PDK1: variants seen among roughly 807,000 people sequenced by gnomAD.
The protein encoded by PDK1 is [Pyruvate dehydrogenase (acetyl-transferring)] kinase isozyme 1, mitochondrial.
Under a neutral mutation model 54.2 loss-of-function variants are expected in PDK1, and 39 were observed. The observed-to-expected ratio is 0.72, with a 90% CI of 0.56 to 0.94. The LOEUF (loss-of-function observed/expected upper bound fraction) is 0.94, where lower values mean the gene tolerates loss of function less well. PDK1 is among the 40% of genes least tolerant of loss of function. PDK1 has a pLI of 0.00. For missense variants in PDK1, 552 were observed against 566.0 expected (o/e 0.98, Z 0.25); for synonymous variants, 221 against 207.1 (o/e 1.07, Z -0.58).
the PDK1 span, among the ~76,000 whole-genome samples, chr2:172,714,490 T>C: frequency 3.3e-5 from 5 of 152,218 alleles, no homozygotes; most frequent in East Asian, 9.6e-4. Context: ...AAAATATGCC[T>C]ATGTTGAAAT....
chr2:172,672,534 T>G, the PDK1 span, among the ~76,000 whole-genome samples: 1 of 152,188 alleles, frequency 6.6e-6, no homozygotes, highest in African/African-American at 2.4e-5. Flanking sequence ...TTTGCTTTAT[T>G]ACCCTTCACA....
the PDK1 span, among the ~76,000 whole-genome samples, chr2:172,666,328 T>C: frequency 6.6e-6 from 1 of 152,250 alleles, no homozygotes; most frequent in African/African-American, 2.4e-5. Flanking sequence ...CAGTAGTCTA[T>C]ACAGATGTTG....
At chr2:172,700,011 C>T in the PDK1 span, among the ~76,000 whole-genome samples, 1 of 152,136 alleles carries the variant, frequency 6.6e-6, no homozygotes, top group African/African-American at 2.4e-5. Context: ...CATCTTGCAC[C>T]GCCCTTAATC....
At chr2:172,561,642 T>TA (rs1553477476) in intron 2 of PDK1, among the ~76,000 whole-genome samples, 1 of 152,272 alleles carries the variant, frequency 6.6e-6, no homozygotes, top group African/African-American at 2.4e-5. Context: ...GATGCTTTGA[T>TA]ACTTCGAATT....
At chr2:172,665,372 C>T in the PDK1 span, among the ~76,000 whole-genome samples, 1 of 152,126 alleles carries the variant, frequency 6.6e-6, no homozygotes. Flanking sequence ...TCTAGGTTTG[C>T]TTTTGTTTGC....
At chr2:172,713,549 G>A in the PDK1 span, among the ~76,000 whole-genome samples, 5 of 152,370 alleles carry the variant, frequency 3.3e-5, no homozygotes, top group East Asian at 5.8e-4. Flanking sequence ...GGGGGCTGGC[G>A]TGTCAGCACT....
chr2:172,557,146 A>G (rs1360665784), intron 1 of PDK1, among the ~76,000 whole-genome samples: 2 of 152,058 alleles, frequency 1.3e-5, no homozygotes, highest in Non-Finnish European at 2.9e-5. Flanking sequence ...ACTTTGTCTT[A>G]AAACTGTGGT....
chr2:172,701,953 G>A, the PDK1 span, among the ~76,000 whole-genome samples: 4 of 152,110 alleles, frequency 2.6e-5, no homozygotes, highest in African/African-American at 9.6e-5. Context: ...TCTTAGTGTT[G>A]ATTTGTTGAC....
intron 5 of PDK1, 124 bp from the exon 6 acceptor site, chr2:172,566,732 T>A: frequency 2.1e-5 from 8 of 387,160 alleles, no homozygotes; most frequent in Non-Finnish European, 3.7e-5. Context: ...CACCAAACTA[T>A]CAAAGTATAT....
the PDK1 span, among the ~76,000 whole-genome samples, chr2:172,653,050 A>C: frequency 1.3e-5 from 2 of 152,226 alleles, no homozygotes; most frequent in Non-Finnish European, 2.9e-5. Flanking sequence ...TGGAGGCATC[A>C]CGCTACCTGA....
chr2:172,637,884 G>C, the PDK1 span, among the ~76,000 whole-genome samples: 1 of 152,062 alleles, frequency 6.6e-6, no homozygotes, highest in Non-Finnish European at 1.5e-5. Context: ...TTTTAGTAGA[G>C]ATGGCGTTTC....
At chr2:172,722,996 C>T in the PDK1 span, among the ~76,000 whole-genome samples, 1 of 151,938 alleles carries the variant, frequency 6.6e-6, no homozygotes, top group East Asian at 1.9e-4. Flanking sequence ...CATACTGCTT[C>T]CATCTGAGCA....
At chr2:172,671,844 A>G in the PDK1 span, among the ~76,000 whole-genome samples, 1 of 152,198 alleles carries the variant, frequency 6.6e-6, no homozygotes, top group African/African-American at 2.4e-5. Flanking sequence ...AATGAAAGTG[A>G]AGACAGGTAA....
chr2:172,626,669 C>T, the PDK1 span, among the ~76,000 whole-genome samples: 3 of 151,988 alleles, frequency 2.0e-5, no homozygotes, highest in Non-Finnish European at 4.4e-5. Flanking sequence ...TAGTGCATTC[C>T]TGTAGTCCCA....
the PDK1 span, among the ~76,000 whole-genome samples, chr2:172,691,706 G>T: frequency 6.6e-6 from 1 of 152,212 alleles, no homozygotes; most frequent in African/African-American, 2.4e-5. Context: ...CTCAGTAAGA[G>T]GCATTTGAAG....
chr2:172,668,906 T>TATACAGAG, the PDK1 span, among the ~76,000 whole-genome samples: 10 of 130,644 alleles, frequency 7.7e-5, no homozygotes, highest in East Asian at 1.4e-3. Flanking sequence ...TATATATATA[T>TATACAGAG]AGAGAGAGAG....
At chr2:172,634,398 G>A in the PDK1 span, among the ~76,000 whole-genome samples, 9 of 151,084 alleles carry the variant, frequency 6.0e-5, no homozygotes, top group Non-Finnish European at 1.2e-4. Context: ...TCAGCCTCCT[G>A]AGCAGCTGGG....
At chr2:172,644,593 A>G in the PDK1 span, among the ~76,000 whole-genome samples, 1 of 152,242 alleles carries the variant, frequency 6.6e-6, no homozygotes, top group African/African-American at 2.4e-5. Context: ...GTTTGCCTAT[A>G]TGGATAATAA....
At chr2:172,661,958 A>C in the PDK1 span, among the ~76,000 whole-genome samples, 1 of 152,248 alleles carries the variant, frequency 6.6e-6, no homozygotes, top group African/African-American at 2.4e-5. Context: ...TCTAAAATAA[A>C]AGTTGAAATT....
Sources: gnomAD v4.1 joint callset for allele counts (sites outside exome capture counted in the v4.1 genomes callset) on GRCh38, gnomAD v4.1.1 for gene constraint, MANE v1.5 for transcripts, NCBI Gene and HGNC (gene_info 2026-07-23, HGNC 2026-07-21) for gene names.